DLGAP1: variants seen among roughly 807,000 people sequenced by gnomAD.
DLGAP1 encodes disks large-associated protein 1.
Under a neutral mutation model 90.8 loss-of-function variants are expected in DLGAP1, and 11 were observed. That is an observed-to-expected ratio of 0.12 (90% CI 0.08 to 0.20). The LOEUF is 0.20. Among genes scored for constraint, DLGAP1 ranks in the 10% least tolerant of loss-of-function variants. The pLI, the probability that DLGAP1 is intolerant of heterozygous loss-of-function variation, is 1.00. For synonymous variants in DLGAP1, 558 were observed against 540.7 expected, an observed-to-expected ratio of 1.03 and a Z score of -0.44; for missense variants, 1,050 against 1,333.8, an observed-to-expected ratio of 0.79 and a Z score of 3.31.
chr18:3,834,305 C>CAAAAAAAAAAAAA (rs35630074), intron 4 of DLGAP1, among the ~76,000 whole-genome samples: 1 of 33,166 alleles, frequency 3.0e-5, no homozygotes, highest in Non-Finnish European at 5.9e-5. Context: ...GACTCTGTCT[C>CAAAAAAAAAAAAA]AAAAAAAAAA....
At chr18:4,399,857 C>T (rs577001252) in intron 1 of DLGAP1, among the ~76,000 whole-genome samples, 1 of 152,288 alleles carries the variant, frequency 6.6e-6, no homozygotes, top group African/African-American at 2.4e-5. Flanking sequence ...GCCTTCTCTC[C>T]TTCCATGCAT....
rs1458050180 is a variant in DLGAP1 at position 4,328,047 on chromosome 18, A to ATCTTTTATCTCATTTATCTTTATCTTT, written c.-267+126958_-267+126959insAAAGATAAAGATAAATGAGATAAAAGA. Among the ~76,000 whole-genome samples, 1,134 of 151,942 alleles carry ATCTTTTATCTCATTTATCTTTATCTTT rather than the reference A, an allele frequency of 7.5e-3. 17 individuals are homozygous for ATCTTTTATCTCATTTATCTTTATCTTT. The highest frequency in any genetic ancestry group is 0.026 in the African/African-American group (1,074 of 41,480). On this transcript the variant is annotated intron_variant, in intron 1 of 12. Transcript: ENST00000315677. ...CTACCATCTCTTATCTATTTTCTTAAGAGCTCATTTATCTTTCCAAAATAA... is the reference window on the plus strand; with the variant it reads ...CTACCATCTCTTATCTATTTTCTTAATCTTTTATCTCATTTATCTTTATCTTTGAGCTCATTTATCTTTCCAAAATAA...
intron 3 of DLGAP1, among the ~76,000 whole-genome samples, chr18:3,911,694 G>T (rs1314527109): frequency 6.6e-6 from 1 of 152,174 alleles, no homozygotes; most frequent in Non-Finnish European, 1.5e-5. Flanking sequence ...CTGATTGATG[G>T]CTCTTTTGTG....
chr18:4,347,828 C>T (rs2081326997), intron 1 of DLGAP1, among the ~76,000 whole-genome samples: 1 of 151,958 alleles, frequency 6.6e-6, no homozygotes, highest in Admixed American at 6.6e-5. Flanking sequence ...CAAAACAAAT[C>T]TATTAAAGGT....
rs1426596396 is a variant in DLGAP1 at position 3,882,867 on chromosome 18, G to C, written c.-72-2727C>G. Among the ~76,000 whole-genome samples, 3 of 152,208 alleles carry C rather than the reference G, an allele frequency of 2.0e-5. No homozygotes were observed. In the East Asian group the frequency reaches 5.8e-4, roughly 29 times the overall value. On this transcript the variant is annotated intron_variant, in intron 3 of 12. Coordinates refer to ENST00000315677, the MANE Select transcript of DLGAP1 (RefSeq NM_004746.4). ...AATTGCCATATAAAGAGTCATCTTG[G>C]AAAGCCAACATGACTCTCTAAAATA...
intron 8 of DLGAP1, among the ~76,000 whole-genome samples, chr18:3,569,261 A>G (rs2054626505): frequency 2.0e-5 from 3 of 151,882 alleles, no homozygotes; most frequent in Non-Finnish European, 4.4e-5. Context: ...CGGCCTCCCA[A>G]ATTGCTGAGA....
intron 1 of DLGAP1, among the ~76,000 whole-genome samples, chr18:4,452,647 T>C (rs1344424843): frequency 3.3e-5 from 5 of 152,196 alleles, no homozygotes. Context: ...TTTCTCTATA[T>C]GCGCTACATA....
intron 7 of DLGAP1, among the ~76,000 whole-genome samples, chr18:3,724,303 C>T (rs2062079740): frequency 6.6e-6 from 1 of 152,134 alleles, no homozygotes; most frequent in African/African-American, 2.4e-5. Flanking sequence ...CACTGCACTG[C>T]AGCCTGGGCA....
intron 1 of DLGAP1, among the ~76,000 whole-genome samples, chr18:4,208,780 A>G (rs889374515): frequency 6.6e-6 from 1 of 151,990 alleles, no homozygotes; most frequent in Non-Finnish European, 1.5e-5. Context: ...AGAGAGGGAG[A>G]GAGGAAAAGG....
At chr18:3,682,610 AAG>A (rs2060559930) in intron 7 of DLGAP1, among the ~76,000 whole-genome samples, 1 of 152,124 alleles carries the variant, frequency 6.6e-6, no homozygotes, top group South Asian at 2.1e-4. Flanking sequence ...TCTCTCTAAG[AAG>A]GTGTTTGGCT....
chr18:3,514,486 A>C (rs1229818063), intron 10 of DLGAP1, among the ~76,000 whole-genome samples: 1 of 152,040 alleles, frequency 6.6e-6, no homozygotes, highest in Non-Finnish European at 1.5e-5. Context: ...GCTACATAGA[A>C]CTCGTCACAT....
chr18:3,796,575 G>T (rs1385850574), intron 5 of DLGAP1, among the ~76,000 whole-genome samples: 1 of 152,164 alleles, frequency 6.6e-6, no homozygotes, highest in Non-Finnish European at 1.5e-5. Flanking sequence ...GGGAACATGC[G>T]CTGAGTGACA....
chr18:4,069,740 C>T (rs1208713670), intron 2 of DLGAP1, among the ~76,000 whole-genome samples: 3 of 152,138 alleles, frequency 2.0e-5, no homozygotes, highest in South Asian at 2.1e-4. Flanking sequence ...GCCAATTAAA[C>T]CTCTTTTTAA....
intron 2 of DLGAP1, among the ~76,000 whole-genome samples, chr18:4,145,695 C>G (rs2076574772): frequency 6.6e-6 from 1 of 152,050 alleles, no homozygotes; most frequent in Non-Finnish European, 1.5e-5. Flanking sequence ...GGCAAATTGG[C>G]TATGAAAATA....
chr18:4,364,439 G>C (rs75160690), intron 1 of DLGAP1, among the ~76,000 whole-genome samples: 3,329 of 151,996 alleles, frequency 0.022, 60 homozygotes, highest in African/African-American at 0.048. Context: ...GATTTTTAAA[G>C]ATGCACAATC....
chr18:3,802,176 G>A (rs1398220280), intron 5 of DLGAP1, among the ~76,000 whole-genome samples: 1 of 151,992 alleles, frequency 6.6e-6, no homozygotes, highest in Non-Finnish European at 1.5e-5. Context: ...GTAGAGATGG[G>A]GTTTCACCAT....
intron 8 of DLGAP1, chr18:3,580,078 T>C: frequency 3.9e-6 from 3 of 765,062 alleles, no homozygotes; most frequent in South Asian, 3.3e-5. Flanking sequence ...TGTGTTCATG[T>C]TCTTTGAATT....
rs767760816 is a variant in DLGAP1 at position 3,977,434 on chromosome 18, G to GGTTTTTTTTTTTTTTTTTTTTTTT, written c.-73+27681_-73+27682insAAAAAAAAAAAAAAAAAAAAAAAC. On this transcript the variant is annotated intron_variant, in intron 3 of 12. Coordinates refer to ENST00000315677, the MANE Select transcript of DLGAP1 (RefSeq NM_004746.4). ...AGTTAATGAATTATGTTTATTCTGTGTTTTTTTTTTTTTTTTTTTTGCTGA... is the reference window on the plus strand; with the variant it reads ...AGTTAATGAATTATGTTTATTCTGTGGTTTTTTTTTTTTTTTTTTTTTTTTTTTTTTTTTTTTTTTTTTTGCTGA... Among the ~76,000 whole-genome samples the GGTTTTTTTTTTTTTTTTTTTTTTT allele has an allele frequency of 6.3e-5, 6 of 95,332 alleles. 1 individual carries two copies. Among genetic ancestry groups the GGTTTTTTTTTTTTTTTTTTTTTTT allele is most frequent in the South Asian group, 7.3e-4 (2 of 2,748 alleles). The allele number at this position is 95,332 out of a possible 152,430, so 62.5% of individuals were successfully genotyped here.
intron 3 of DLGAP1, among the ~76,000 whole-genome samples, chr18:3,899,958 G>C (rs2071745800): frequency 6.6e-6 from 1 of 152,046 alleles, no homozygotes; most frequent in Non-Finnish European, 1.5e-5. Flanking sequence ...CCTGGGAATG[G>C]CTCTGCATCA....
Sources: gnomAD v4.1 joint callset for allele counts (sites outside exome capture counted in the v4.1 genomes callset) on GRCh38, gnomAD v4.1.1 for gene constraint, MANE v1.5 for transcripts, NCBI Gene and HGNC (gene_info 2026-07-23, HGNC 2026-07-21) for gene names.